Variants in CYP7B1 observed in about 807,000 individuals in gnomAD.
The protein encoded by CYP7B1 is cytochrome P450 family 7 subfamily B member 1.
CYP7B1 carries 29 observed loss-of-function variants against 42.7 expected under a neutral mutation model. That is an observed-to-expected ratio of 0.68 (90% CI 0.51 to 0.93). The LOEUF is 0.93. Ranked by LOEUF, CYP7B1 falls within the 40% of genes least tolerant of loss-of-function variation. The pLI is 0.00. For missense variants in CYP7B1, 655 were observed against 600.5 expected, an observed-to-expected ratio of 1.09 and a Z score of -0.95; for synonymous variants, 235 against 218.2, an observed-to-expected ratio of 1.08 and a Z score of -0.68.
At chr8:64,785,409 A>G (rs1400483150) in intron 1 of CYP7B1, among the ~76,000 whole-genome samples, 1 of 152,216 alleles carries the variant, frequency 6.6e-6, no homozygotes, top group Non-Finnish European at 1.5e-5. Context: ...CTGCACATAA[A>G]TATTTTTAGC....
intron 1 of CYP7B1, among the ~76,000 whole-genome samples, chr8:64,757,737 C>T (rs1807828307): frequency 6.6e-6 from 1 of 152,220 alleles, no homozygotes; most frequent in East Asian, 1.9e-4. Flanking sequence ...TGCCTCTGGG[C>T]TTCTTTGATA....
intron 1 of CYP7B1, among the ~76,000 whole-genome samples, chr8:64,700,091 TGAGCAGACAGTGGGGACG>T (rs1806890727): frequency 6.6e-6 from 1 of 152,142 alleles, no homozygotes; most frequent in Non-Finnish European, 1.5e-5. Flanking sequence ...GCATATATAC[TGAGCAGACAGTGGGGACG>T]ACGCATAGAA....
At chr8:64,699,622 GATTA>G (rs1806882413) in intron 1 of CYP7B1, among the ~76,000 whole-genome samples, 1 of 152,036 alleles carries the variant, frequency 6.6e-6, no homozygotes, top group Non-Finnish European at 1.5e-5. Flanking sequence ...TCTACAACTG[GATTA>G]ATTTTTTATT....
intron 1 of CYP7B1, among the ~76,000 whole-genome samples, chr8:64,693,127 C>T (rs116749059): frequency 0.034 from 5,152 of 152,258 alleles, 269 homozygotes; most frequent in African/African-American, 0.12. Flanking sequence ...CTTGCAGAGC[C>T]TAGCCAGAGT....
At chr8:64,705,167 A>C (rs945140249) in intron 1 of CYP7B1, among the ~76,000 whole-genome samples, 5 of 151,794 alleles carry the variant, frequency 3.3e-5, no homozygotes, top group African/African-American at 4.8e-5. Context: ...TATCACTCTG[A>C]TATGTTAGGG....
intron 1 of CYP7B1, among the ~76,000 whole-genome samples, chr8:64,796,775 G>A (rs946506663): frequency 6.6e-6 from 1 of 152,162 alleles, no homozygotes; most frequent in Non-Finnish European, 1.5e-5. Context: ...GTGCAACACA[G>A]GGTATATTTC....
At chr8:64,630,412 T>C (rs1159822386) in intron 1 of CYP7B1, among the ~76,000 whole-genome samples, 1 of 152,272 alleles carries the variant, frequency 6.6e-6, no homozygotes, top group Non-Finnish European at 1.5e-5. Context: ...AGAATGTTTA[T>C]ACTAACCTTG....
At chr8:64,652,039 T>G (rs1250306533) in intron 1 of CYP7B1, among the ~76,000 whole-genome samples, 2 of 152,206 alleles carry the variant, frequency 1.3e-5, no homozygotes, top group Admixed American at 6.5e-5. Flanking sequence ...GAATCACATA[T>G]AATTTTACCT....
chr8:64,735,205 T>C (rs1407317233), intron 1 of CYP7B1, among the ~76,000 whole-genome samples: 1 of 152,224 alleles, frequency 6.6e-6, no homozygotes, highest in Non-Finnish European at 1.5e-5. Flanking sequence ...CAATATTTTT[T>C]CTAAAATGGA....
intron 2 of CYP7B1, among the ~76,000 whole-genome samples, chr8:64,622,065 A>G (rs1234471182): frequency 6.6e-6 from 1 of 152,222 alleles, no homozygotes; most frequent in East Asian, 1.9e-4. Context: ...GGAGAACTCA[A>G]TCATGCTGAT....
chr8:64,596,286 C>T lies in CYP7B1; in HGVS notation c.*356G>A. ...TCTAGTAGTTCAAAGTGTAATTTTA[C>T]ATATTAGAGAACAATTTGAGTGATT... is the stretch of plus-strand genomic sequence containing the variant. On this transcript the variant is annotated 3_prime_UTR_variant, in exon 6 of 6. Transcript: ENST00000310193. The T allele has an allele frequency of 1.1e-5, 2 of 180,634 alleles. No individual in the cohort carries two copies. Among genetic ancestry groups the T allele is most frequent in the African/African-American group, 2.4e-5 (1 of 42,058 alleles). The allele number at this position is 180,634 out of a possible 1,614,324, so 11.2% of individuals were successfully genotyped here. A position where few individuals can be genotyped will look rare whatever the true frequency, so the allele number is the denominator to read the frequency against.
chr8:64,746,528 T>G (rs567910950), intron 1 of CYP7B1, among the ~76,000 whole-genome samples: 4 of 152,334 alleles, frequency 2.6e-5, no homozygotes, highest in African/African-American at 9.6e-5. Flanking sequence ...ATTTTGGTGA[T>G]TTAAAAGAAG....
chr8:64,609,415 T>G (rs1805332801), intron 4 of CYP7B1, among the ~76,000 whole-genome samples: 1 of 152,200 alleles, frequency 6.6e-6, no homozygotes, highest in Non-Finnish European at 1.5e-5. Context: ...AGGTGAAATT[T>G]TCCTCCTTTT....
At chr8:64,645,775 T>A (rs1437657276) in intron 1 of CYP7B1, among the ~76,000 whole-genome samples, 1 of 152,088 alleles carries the variant, frequency 6.6e-6, no homozygotes, top group East Asian at 1.9e-4. Flanking sequence ...GCTGGAGGCA[T>A]CACACTACCT....
chr8:64,611,483 T>G (rs536918512), intron 4 of CYP7B1, among the ~76,000 whole-genome samples: 17 of 152,256 alleles, frequency 1.1e-4, no homozygotes, highest in Non-Finnish European at 1.6e-4. Context: ...GGACCTTAAT[T>G]TTTTCCTTTC....
intron 1 of CYP7B1, among the ~76,000 whole-genome samples, chr8:64,653,178 G>A (rs539512465): frequency 5.1e-4 from 77 of 152,044 alleles, no homozygotes; most frequent in African/African-American, 1.9e-3. Flanking sequence ...ATTGAGACAC[G>A]AAATACCATT....
chr8:64,599,250 G>A (rs934722662), intron 5 of CYP7B1, among the ~76,000 whole-genome samples: 1 of 151,802 alleles, frequency 6.6e-6, no homozygotes, highest in Non-Finnish European at 1.5e-5. Flanking sequence ...GTGCAGTGGC[G>A]CGATCTCGGC....
downstream of CYP7B1, among the ~76,000 whole-genome samples, chr8:64,590,697 A>G (rs986246587): frequency 6.6e-6 from 1 of 152,220 alleles, no homozygotes; most frequent in Non-Finnish European, 1.5e-5. Context: ...GGAGAGCATC[A>G]GATGATAAGA....
chr8:64,624,048 T>G (rs1348512817), intron 2 of CYP7B1, among the ~76,000 whole-genome samples: 1 of 152,122 alleles, frequency 6.6e-6, no homozygotes, highest in African/African-American at 2.4e-5. Context: ...TCTGTAAACC[T>G]AAAACTCCTC....
Sources: allele counts gnomAD v4.1 joint callset (sites outside exome capture counted in the v4.1 genomes callset), GRCh38; gene constraint gnomAD v4.1.1; transcripts MANE v1.5; gene names NCBI Gene and HGNC (gene_info 2026-07-23, HGNC 2026-07-21).